PCDHGA4: variants seen among roughly 807,000 people sequenced by gnomAD.
PCDHGA4 encodes the protein protocadherin gamma subfamily A, 4, also known as protocadherin gamma-A4.
A neutral mutation model predicts 54.6 loss-of-function variants in PCDHGA4; 38 were observed. The observed-to-expected ratio is 0.70, with a 90% CI of 0.54 to 0.91. The LOEUF (loss-of-function observed/expected upper bound fraction) is 0.91. Among genes scored for constraint, PCDHGA4 ranks in the 40% least tolerant of loss-of-function variants. The pLI, the probability that PCDHGA4 is intolerant of heterozygous loss-of-function variation, is 0.00. For missense variants in PCDHGA4, 1,298 were observed against 1,220.9 expected (o/e 1.06, Z -0.94); for synonymous variants, 511 against 512.9 (o/e 1.00, Z 0.05).
At chr5:141,370,552 A>T in intron 1 of PCDHGA4, 2 of 1,613,806 alleles carry the variant, frequency 1.2e-6, no homozygotes, top group Non-Finnish European at 1.7e-6. Context: ...CTCGCCAAGG[A>T]CCTGGGGTTT....
intron 1 of PCDHGA4, chr5:141,370,991 C>T (rs753428613): frequency 4.3e-6 from 7 of 1,613,954 alleles, no homozygotes; most frequent in Non-Finnish European, 5.9e-6. Flanking sequence ...TGAAAGCACC[C>T]CTGGACAGGG....
chr5:141,416,819 G>A (rs952251457), intron 1 of PCDHGA4: 5 of 151,982 alleles, frequency 3.3e-5, no homozygotes, highest in African/African-American at 9.7e-5. Flanking sequence ...AAAGCATTCC[G>A]AAGTTTCTCA....
chr5:141,409,338 A>C, intron 1 of PCDHGA4: 5 of 1,614,002 alleles, frequency 3.1e-6, no homozygotes, highest in Non-Finnish European at 4.2e-6. Flanking sequence ...TTCGGAGGAA[A>C]TGGAGAAGTC....
intron 1 of PCDHGA4, among the ~76,000 whole-genome samples, chr5:141,458,871 T>C (rs2098955493): frequency 6.6e-6 from 1 of 152,210 alleles, no homozygotes; most frequent in African/African-American, 2.4e-5. Flanking sequence ...TAGCTGGGAC[T>C]ACAGGCATGC....
intron 1 of PCDHGA4, among the ~76,000 whole-genome samples, chr5:141,436,594 G>T (rs79477223): frequency 0.052 from 7,980 of 152,210 alleles, 223 homozygotes; most frequent in South Asian, 0.079. Flanking sequence ...AAAGGTCGTG[G>T]TGATGGCTAG....
intron 1 of PCDHGA4, chr5:141,424,778 T>G (rs1009835492): frequency 1.3e-5 from 2 of 152,166 alleles, no homozygotes; most frequent in African/African-American, 4.8e-5. Flanking sequence ...AATAGTACAT[T>G]CAGTTCTTTT....
chr5:141,432,707 G>T lies in PCDHGA4; in HGVS notation c.2515-62100G>T. The T allele has an allele frequency of 6.2e-7, 1 of 1,613,988 alleles. No homozygotes were observed. The highest frequency in any genetic ancestry group is 1.1e-5 in the South Asian group (1 of 91,080). ...CCTCGTAGTGGCCGTCCAGGACCAC[G>T]GCCAGCCCCCTCTCTCCGCCACTGT... On this transcript the variant is annotated intron_variant, in intron 1 of 3. Transcript: ENST00000571252. The surrounding 1 kb of genome is among the most constrained non-coding windows in gnomAD (Gnocchi z 6.0).
chr5:141,362,085 A>T, intron 1 of PCDHGA4: 1 of 1,613,154 alleles, frequency 6.2e-7, no homozygotes, highest in Non-Finnish European at 8.5e-7. Context: ...GTGATGGAGG[A>T]CAGCCGCCAC....
rs1021096537 is a variant in PCDHGA4, at chr5:141,511,383, T to C, written c.*210T>C. 2 of 1,155,330 alleles carry C rather than the reference T, an allele frequency of 1.7e-6. No homozygotes were observed. Among genetic ancestry groups the C allele is most frequent in the Non-Finnish European group, 2.4e-6 (2 of 841,000 alleles). The allele number at this position is 1,155,330 out of a possible 1,614,324, so 71.6% of individuals were successfully genotyped here. ...GTTGAATATGCAAAAGCAGTTCCGC[T>C]GGGAACCCCCATCCAATCAACTGCT... is the stretch of plus-strand genomic sequence containing the variant. On this transcript the variant is annotated 3_prime_UTR_variant, in exon 4 of 4. Transcript: ENST00000571252.
intron 1 of PCDHGA4, chr5:141,410,724 C>G: frequency 7.2e-7 from 1 of 1,385,884 alleles, no homozygotes; most frequent in Non-Finnish European, 9.6e-7. Flanking sequence ...TGTTTAAAAT[C>G]CATAGCTTTT....
chr5:141,389,411 CG>C, intron 1 of PCDHGA4: 2 of 1,613,568 alleles, frequency 1.2e-6, no homozygotes, highest in South Asian at 2.2e-5. Flanking sequence ...GCGCGGAGAG[CG>C]GGGTGGTGTT....
chr5:141,449,876 C>G (rs924666805), intron 1 of PCDHGA4, among the ~76,000 whole-genome samples: 2 of 151,724 alleles, frequency 1.3e-5, no homozygotes, highest in Non-Finnish European at 2.9e-5. Flanking sequence ...AATTTAACAT[C>G]AATGCAATAT....
At position 141,489,302 on chromosome 5, in the gene PCDHGA4, T is replaced by C. The variant is rs1258736404; in HGVS notation, c.2515-5505T>C. 2 of 1,586,886 alleles carry C rather than the reference T, an allele frequency of 1.3e-6. No homozygotes were observed. The highest frequency in any genetic ancestry group is 2.3e-5 in the South Asian group (2 of 85,378). ...TGGCAAGTGCTGTGCATGTTGTCCT[T>C]GTGCTGCTGGGGCTGGGTGTCTGGG... On this transcript the variant is annotated intron_variant, in intron 1 of 3. Transcript: ENST00000571252. The surrounding 1 kb of genome is among the most constrained non-coding windows in gnomAD (Gnocchi z 4.5).
intron 1 of PCDHGA4, chr5:141,413,625 C>T (rs372855865): frequency 1.2e-6 from 2 of 1,613,854 alleles, no homozygotes; most frequent in Admixed American, 3.3e-5. Context: ...ATGAAAATGT[C>T]GCTGCGGGAA....
intron 1 of PCDHGA4, chr5:141,370,342 A>G (rs968653011): frequency 1.3e-5 from 19 of 1,475,912 alleles, no homozygotes; most frequent in Non-Finnish European, 1.7e-5. Flanking sequence ...TCTTGGGATT[A>G]TTTAAAGATC....
chr5:141,448,515 T>C (rs1158968509), intron 1 of PCDHGA4, among the ~76,000 whole-genome samples: 1 of 152,212 alleles, frequency 6.6e-6, no homozygotes, highest in Non-Finnish European at 1.5e-5. Flanking sequence ...TTTATAACTT[T>C]ATTAAGCATC....
At chr5:141,394,658 A>G (rs755560495) in intron 1 of PCDHGA4, 1 of 1,610,022 alleles carries the variant, frequency 6.2e-7, no homozygotes, top group South Asian at 1.1e-5. Flanking sequence ...GCGAGCCGGG[A>G]CTCTTCTCGG....
chr5:141,408,176 G>C, intron 1 of PCDHGA4: 1 of 1,533,992 alleles, frequency 6.5e-7, no homozygotes, highest in South Asian at 1.2e-5. Flanking sequence ...TGGAAAAGCG[G>C]GGACCCAGCG....
chr5:141,399,713 A>C (rs1353862646), intron 1 of PCDHGA4: 1 of 1,613,326 alleles, frequency 6.2e-7, no homozygotes, highest in Non-Finnish European at 8.5e-7. Context: ...CTCACACTAC[A>C]GGCCCGCGAC....
Sources: allele counts gnomAD v4.1 joint callset (sites outside exome capture counted in the v4.1 genomes callset), GRCh38; gene constraint gnomAD v4.1.1; non-coding constraint Gnocchi (gnomAD v3.1); transcripts MANE v1.5; gene names NCBI Gene and HGNC (gene_info 2026-07-23, HGNC 2026-07-21).